The following LRRIQ1 variants were observed in gnomAD, a reference collection of about 807,000 sequenced individuals.
The protein encoded by LRRIQ1 is leucine-rich repeat- and IQ domain-containing protein 1.
A neutral mutation model predicts 211.9 loss-of-function variants in LRRIQ1; 210 were observed. The observed-to-expected ratio is 0.99, with a 90% confidence interval of 0.89 to 1.11. The LOEUF is 1.11. Ranked by LOEUF, LRRIQ1 falls within the 50% of genes most tolerant of loss-of-function variation. The pLI is 0.00. For missense variants in LRRIQ1, 2,136 were observed against 1,939.5 expected (o/e 1.10, Z -1.90); for synonymous variants, 699 against 650.1 (o/e 1.08, Z -1.14).
At chr12:85,203,973 A>T (rs1893419535) in intron 24 of LRRIQ1, among the ~76,000 whole-genome samples, 1 of 152,240 alleles carries the variant, frequency 6.6e-6, no homozygotes, top group South Asian at 2.1e-4. Flanking sequence ...AGAGATCTTC[A>T]CGACAGCCCC....
At chr12:85,054,879 T>C (rs370797059) in intron 7 of LRRIQ1, among the ~76,000 whole-genome samples, 1 of 152,130 alleles carries the variant, frequency 6.6e-6, no homozygotes, top group African/African-American at 2.4e-5. Flanking sequence ...TTTTGTTAGT[T>C]TCCGTTAGAT....
chr12:85,195,525 C>G (rs1041907346), intron 24 of LRRIQ1, among the ~76,000 whole-genome samples: 15 of 152,094 alleles, frequency 9.9e-5, no homozygotes, highest in Non-Finnish European at 1.8e-4. Flanking sequence ...TCAATATACC[C>G]AAATCAATTT....
rs1882317294 is a variant in LRRIQ1, at chr12:85,065,326, A to G, written c.2456A>G (p.Asn819Ser). The change falls in exon 9 of 27, where the codon AAT (asparagine) becomes AGT (serine). Residue 819 changes from asparagine (N) to serine (S), a missense_variant. Asn to Ser is a conservative substitution (Grantham distance 46, BLOSUM62 1). Coordinates refer to ENST00000393217, the MANE Select transcript of LRRIQ1 (RefSeq NM_001079910.2). ...CTCTCCACACTGGCAGAGTGTACAA[A>G]TCTTCAGTTTCTATCCCTTCGACGC... Reference protein sequence around the residue: ...CVLSTLAECTNLQFLSLRRCG... With the variant: ...CVLSTLAECTSLQFLSLRRCG... 5.6e-6 allele frequency: 9 copies of G among 1,611,078 alleles called. No individual in the cohort carries two copies. Among genetic ancestry groups the G allele is most frequent in the Non-Finnish European group, 7.6e-6 (9 of 1,178,022 alleles).
At chr12:85,134,168 C>T (rs1488514828) in intron 18 of LRRIQ1, among the ~76,000 whole-genome samples, 1 of 152,064 alleles carries the variant, frequency 6.6e-6, no homozygotes, top group East Asian at 1.9e-4. Flanking sequence ...GAGCTTAAGC[C>T]AGAACAAGGG....
intron 8 of LRRIQ1, among the ~76,000 whole-genome samples, chr12:85,064,170 T>C (rs1246998969): frequency 6.6e-6 from 1 of 151,860 alleles, no homozygotes; most frequent in East Asian, 1.9e-4. Flanking sequence ...TTCCCTTTTC[T>C]CCACATCCTC....
intron 19 of LRRIQ1, among the ~76,000 whole-genome samples, chr12:85,149,101 G>T (rs964370052): frequency 3.3e-5 from 5 of 151,882 alleles, no homozygotes; most frequent in African/African-American, 1.2e-4. Context: ...TCTGTAGGTT[G>T]CCTGTTCACT....
chr12:85,254,209 T>C (rs1239555653), intron 1 of LRRIQ1, among the ~76,000 whole-genome samples: 3 of 152,116 alleles, frequency 2.0e-5, no homozygotes, highest in African/African-American at 7.2e-5. Context: ...GATGCCATCA[T>C]GCTTCCTGTA....
At chr12:85,235,160 A>T (rs1334941441) in intron 26 of LRRIQ1, among the ~76,000 whole-genome samples, 1 of 152,230 alleles carries the variant, frequency 6.6e-6, no homozygotes, top group African/African-American at 2.4e-5. Context: ...AGCATATTGC[A>T]TGATAGGAAT....
chr12:85,236,106 A>T (rs1240081738), intron 26 of LRRIQ1, among the ~76,000 whole-genome samples: 1 of 152,146 alleles, frequency 6.6e-6, no homozygotes, highest in Non-Finnish European at 1.5e-5. Context: ...ACCTTTTACA[A>T]CAGTGGACAG....
At chr12:85,160,792 T>G in intron 24 of LRRIQ1, 78 bp downstream of exon 24, 1 of 689,806 alleles carries the variant, frequency 1.4e-6, no homozygotes. Context: ...AATAAATTTT[T>G]AATTCTTAAT....
intron 1 of LRRIQ1, among the ~76,000 whole-genome samples, chr12:85,251,984 A>G (rs1467988203): frequency 6.6e-6 from 1 of 151,984 alleles, no homozygotes; most frequent in Non-Finnish European, 1.5e-5. Context: ...CAATGATTCT[A>G]ATCTTAAACA....
chr12:85,241,827 A>T (rs1204299581), intron 26 of LRRIQ1, among the ~76,000 whole-genome samples: 1 of 152,000 alleles, frequency 6.6e-6, no homozygotes, highest in Non-Finnish European at 1.5e-5. Flanking sequence ...TTAATAATTA[A>T]TAAAATCTTG....
At chr12:85,196,373 A>T (rs1282727394) in intron 24 of LRRIQ1, among the ~76,000 whole-genome samples, 1 of 152,190 alleles carries the variant, frequency 6.6e-6, no homozygotes, top group Non-Finnish European at 1.5e-5. Flanking sequence ...CGCCAAGTCA[A>T]TCCTAAGCCA....
At chr12:85,217,743 ATG>A (rs1391447748) in intron 24 of LRRIQ1, among the ~76,000 whole-genome samples, 1 of 104,114 alleles carries the variant, frequency 9.6e-6, no homozygotes, top group South Asian at 2.3e-4. Context: ...TATATATGTA[ATG>A]TGTGTGTATA....
rs534380680 is a variant in LRRIQ1, at chr12:85,158,531, A to C, written c.4721-2082A>C. ...TATAGAAGTTGAAAAGGGATTGTAC[A>C]AGGAATTTAATAATATGGATACTCT... is the stretch of plus-strand genomic sequence containing the variant. On this transcript the variant is annotated intron_variant, in intron 23 of 26. Transcript: ENST00000393217. Among the ~76,000 whole-genome samples, 35 of 152,132 alleles carry C rather than the reference A, an allele frequency of 2.3e-4. 1 individual carries two copies. Among genetic ancestry groups the C allele is most frequent in the Non-Finnish European group, 3.2e-4 (22 of 67,896 alleles).
chr12:85,100,920 T>G (rs1886301989), intron 13 of LRRIQ1, among the ~76,000 whole-genome samples: 1 of 151,820 alleles, frequency 6.6e-6, no homozygotes, highest in African/African-American at 2.4e-5. Flanking sequence ...ACATGTGAAA[T>G]GACTTTTTAA....
intron 15 of LRRIQ1, among the ~76,000 whole-genome samples, chr12:85,110,149 A>T (rs1017948909): frequency 5.3e-5 from 8 of 152,106 alleles, no homozygotes; most frequent in Admixed American, 1.3e-4. Flanking sequence ...ATGGGATCTT[A>T]TTTAATCACC....
At chr12:85,195,049 A>C (rs188574673) in intron 24 of LRRIQ1, among the ~76,000 whole-genome samples, 151 of 152,322 alleles carry the variant, frequency 9.9e-4, no homozygotes, top group African/African-American at 3.4e-3. Context: ...AAACACCTCT[A>C]TGCAAATAAA....
At chr12:85,209,740 AT>A (rs1413875957) in intron 24 of LRRIQ1, among the ~76,000 whole-genome samples, 3 of 151,994 alleles carry the variant, frequency 2.0e-5, no homozygotes, top group Non-Finnish European at 4.4e-5. Flanking sequence ...ATGAGATGCT[AT>A]TTCTTGAGCA....
Sources: gnomAD v4.1 joint callset for allele counts (sites outside exome capture counted in the v4.1 genomes callset) on GRCh38, gnomAD v4.1.1 for gene constraint, MANE v1.5 for transcripts, NCBI Gene and HGNC (gene_info 2026-07-23, HGNC 2026-07-21) for gene names.